The following LEAP2 variants were observed in gnomAD, a reference collection of about 807,000 sequenced individuals.
The protein encoded by LEAP2 is liver-expressed antimicrobial peptide 2.
A neutral mutation model predicts 9.3 loss-of-function variants in LEAP2; 13 were observed. That is an observed-to-expected ratio of 1.39 (90% CI 0.91 to 2.21). The LOEUF (loss-of-function observed/expected upper bound fraction) is 2.21. Among genes scored for constraint, LEAP2 ranks in the 30% most tolerant of loss-of-function variants. LEAP2 has a pLI of 0.00. For missense variants in LEAP2, 98 were observed against 94.0 expected, an observed-to-expected ratio of 1.04 and a Z score of -0.17; for synonymous variants, 34 against 34.9, an observed-to-expected ratio of 0.98 and a Z score of 0.09.
In LEAP2 at chr5:132,873,729, T is replaced by C; in HGVS notation, c.35T>C (p.Ile12Thr). 1.2e-6 allele frequency: 2 copies of C among 1,614,106 alleles called. No individual in the cohort carries two copies. The highest frequency in any genetic ancestry group is 1.7e-6 in the Non-Finnish European group (2 of 1,179,960). The change falls in exon 1 of 3, where the codon ATC becomes ACC. Residue 12 changes from isoleucine (I) to threonine (T), a missense_variant. By Grantham distance (89) the Ile-to-Thr change is moderately conservative. Transcript: ENST00000296877. ...CTCAAACTTTGTGCAGTCCTCATGA[T>C]CTTCCTGTTGCTGTTGGGCCAGGTA... ...WHLKLCAVLM[I>T]FLLLLGQIDG...
rs1273100087 is a variant in LEAP2, at chr5:132,873,990, G to A, written c.98G>A (p.Arg33Lys). 3.7e-6 allele frequency: 6 copies of A among 1,614,094 alleles called. No individual in the cohort carries two copies. The highest frequency in any genetic ancestry group is 5.1e-6 in the Non-Finnish European group (6 of 1,180,040). ...ATACCAGAAGTGAGTTCGGCAAAGA[G>A]AAGGCCACGGAGAATGACCCCATTT... Reference protein sequence around the residue: ...SPIPEVSSAKRRPRRMTPFWR... With the variant: ...SPIPEVSSAKKRPRRMTPFWR... The change falls in exon 2 of 3, where the codon AGA becomes AAA. Residue 33 changes from arginine (R) to lysine (K), a missense_variant. Arg to Lys is a conservative substitution (Grantham distance 26). Transcript: ENST00000296877.
chr5:132,874,210 C>A, intron 2 of LEAP2, 121 bp downstream of exon 2: 1 of 1,155,772 alleles, frequency 8.7e-7, no homozygotes, highest in Non-Finnish European at 1.2e-6. Context: ...TAGACTGAGA[C>A]TGGGAGCTCC....
Position 132,874,837 on chromosome 5 carries a change from G to A in LEAP2, c.*391G>A, listed in dbSNP as rs545315989. On this transcript the variant is annotated 3_prime_UTR_variant, in exon 3 of 3. Coordinates refer to ENST00000296877, the MANE Select transcript of LEAP2 (RefSeq NM_052971.3). ...TGAGAGCTACATAATCAATAGCTACGTAATCAACTTCAGCAAGTTCCTAAG... is the reference window on the plus strand; with the variant it reads ...TGAGAGCTACATAATCAATAGCTACATAATCAACTTCAGCAAGTTCCTAAG... 26 of 345,302 alleles carry A rather than the reference G, an allele frequency of 7.5e-5. No individual in the cohort carries two copies. The highest frequency in any genetic ancestry group is 5.5e-4 in the East Asian group (7 of 12,630). The allele number at this position is 345,302 out of a possible 1,614,324, so 21.4% of individuals were successfully genotyped here.
At chr5:132,873,842 G>A (rs1273426532) in intron 1 of LEAP2, 91 bp downstream of exon 1, 12 of 1,566,616 alleles carry the variant, frequency 7.7e-6, no homozygotes, top group Non-Finnish European at 9.7e-6. Context: ...CCTGAGGAAT[G>A]GTTCCTCTGT....
chr5:132,873,796 T>C (rs371716432), intron 1 of LEAP2, 45 bp downstream of exon 1: 8 of 1,590,754 alleles, frequency 5.0e-6, no homozygotes, highest in African/African-American at 4.0e-5. Context: ...AGTGTGGAGA[T>C]GATAGTGGTG....
Position 132,874,495 on chromosome 5 carries a change from CGT to C in LEAP2, c.*50_*51del, listed in dbSNP as rs758061364. On this transcript the variant is annotated 3_prime_UTR_variant, in exon 3 of 3. Coordinates refer to ENST00000296877, the MANE Select transcript of LEAP2 (RefSeq NM_052971.3). Reference sequence around the variant, plus strand: ...ACAGCAGTCACCTCCGACAATGCTCCGTTCTATGGAATATTGATTAACTGCAT... The same window carrying C: ...ACAGCAGTCACCTCCGACAATGCTCCTCTATGGAATATTGATTAACTGCAT... 3 of 1,516,496 alleles carry C rather than the reference CGT, an allele frequency of 2.0e-6. No homozygotes were observed. The highest frequency in any genetic ancestry group is 2.7e-6 in the Non-Finnish European group (3 of 1,091,422). 93.9% of individuals were successfully genotyped at this position (1,516,496 alleles called of 1,614,324 possible).
intron 1 of LEAP2, 49 bp downstream of exon 1, chr5:132,873,800 A>T: frequency 4.4e-6 from 7 of 1,587,382 alleles, no homozygotes; most frequent in Non-Finnish European, 6.1e-6. Context: ...TGGAGATGAT[A>T]GTGGTGGTGG....
Position 132,874,953 on chromosome 5 carries a change from C to T in LEAP2, c.*507C>T, listed in dbSNP as rs1178432306. 1 of 186,970 alleles carries T rather than the reference C, an allele frequency of 5.3e-6. No individual in the cohort carries two copies. The highest frequency in any genetic ancestry group is 6.0e-5 in the Admixed American group (1 of 16,578). 11.6% of individuals were successfully genotyped at this position (186,970 alleles called of 1,614,324 possible). A position where few individuals can be genotyped will look rare whatever the true frequency, so the allele number is the denominator to read the frequency against. The stretch of plus-strand genomic sequence containing the variant: ...GGCTGAGGCAGGAGAATCACTTGAA[C>T]CTGGGAGGTGGAGGTTGCAGTGAGC... On this transcript the variant is annotated 3_prime_UTR_variant, in exon 3 of 3. Transcript: ENST00000296877.
At chr5:132,874,212 G>A (rs2150056276) in intron 2 of LEAP2, 123 bp downstream of exon 2, 1 of 1,154,676 alleles carries the variant, frequency 8.7e-7, no homozygotes, top group Non-Finnish European at 1.2e-6. Context: ...GACTGAGACT[G>A]GGAGCTCCAT....
At chr5:132,874,143 C>G (rs1759783478) in intron 2 of LEAP2, 54 bp downstream of exon 2, 2 of 1,565,082 alleles carry the variant, frequency 1.3e-6, no homozygotes, top group East Asian at 4.5e-5. Context: ...GGAAGCTGGG[C>G]AGAGGAGTGA....
rs978006329 is a variant in LEAP2, at chr5:132,874,316, G to C, written c.198-94G>C. The C allele has an allele frequency of 8.5e-6, 10 of 1,174,828 alleles. No individual in the cohort carries two copies. In the African/African-American group the frequency reaches 1.4e-4, roughly 16 times the overall value. 72.8% of individuals were successfully genotyped at this position (1,174,828 alleles called of 1,614,324 possible). On this transcript the variant is annotated intron_variant, in intron 2 of 2. Coordinates refer to ENST00000296877, the MANE Select transcript of LEAP2 (RefSeq NM_052971.3). ...CCATTCTTCAGTCTTTCCTGAGACT[G>C]GACAGATCAAGCAAAGAGGAAGGAA...
rs1383358814 is a variant in LEAP2 at position 132,873,958 on chromosome 5, C to T, written c.66C>T (p.Gly22=). 1 of 1,613,928 alleles carries T rather than the reference C, an allele frequency of 6.2e-7. No individual in the cohort carries two copies. Among genetic ancestry groups the T allele is most frequent in the African/African-American group, 1.3e-5 (1 of 74,930 alleles). ...TGTCTTTGCCCTTACAGATAGATGG[C>T]TCCCCAATACCAGAAGTGAGTTCGG... The part of the protein sequence containing the change: ...IFLLLLGQID[G]SPIPEVSSAK... Residue 22 remains glycine, a synonymous_variant, in exon 2 of 3, where the codon GGC becomes GGT. Coordinates refer to ENST00000296877, the MANE Select transcript of LEAP2 (RefSeq NM_052971.3).
chr5:132,874,550 A>G lies in LEAP2; in HGVS notation c.*104A>G. 1 of 978,202 alleles carries G rather than the reference A, an allele frequency of 1.0e-6. No individual in the cohort carries two copies. The highest frequency in any genetic ancestry group is 1.6e-6 in the Non-Finnish European group (1 of 612,996). The allele number at this position is 978,202 out of a possible 1,614,324, so 60.6% of individuals were successfully genotyped here. A position where few individuals can be genotyped will look rare whatever the true frequency, so the allele number is the denominator to read the frequency against. On this transcript the variant is annotated 3_prime_UTR_variant, in exon 3 of 3. Transcript: ENST00000296877. ...TGGCTGGAGACACCCAAGTGAAGCAATCTTGTATTTTTAATATTTAAAGGC... is the reference window on the plus strand; with the variant it reads ...TGGCTGGAGACACCCAAGTGAAGCAGTCTTGTATTTTTAATATTTAAAGGC...
intron 2 of LEAP2, 136 bp from the exon 3 acceptor site, chr5:132,874,274 G>A (rs372038420): frequency 1.2e-5 from 12 of 977,284 alleles, no homozygotes; most frequent in Admixed American, 1.9e-5. Context: ...TGGGTACCAT[G>A]AAAGAGTGGT....
Position 132,874,105 on chromosome 5 carries a change from G to A in LEAP2, c.197+16G>A, listed in dbSNP as rs1759782786. ...GGCTATGCAGGTACTCCCTGAACCTGGGAGCAGGGTTGGGCCAGAGAGCCC... is the reference window on the plus strand; with the variant it reads ...GGCTATGCAGGTACTCCCTGAACCTAGGAGCAGGGTTGGGCCAGAGAGCCC... On this transcript the variant is annotated intron_variant, in intron 2 of 2. Transcript: ENST00000296877. The A allele has an allele frequency of 6.2e-7, 1 of 1,607,846 alleles. No homozygotes were observed. Among genetic ancestry groups the A allele is most frequent in the Non-Finnish European group, 8.5e-7 (1 of 1,175,868 alleles).
rs907108032 is a variant in LEAP2, at chr5:132,874,661, A to G, written c.*215A>G. On this transcript the variant is annotated 3_prime_UTR_variant, in exon 3 of 3. Coordinates refer to ENST00000296877, the MANE Select transcript of LEAP2 (RefSeq NM_052971.3). ...AACTAAACTTGTCAATTTAGAGTTT[A>G]TTTTTCTATGGATACTATTAAATGT... is the stretch of plus-strand genomic sequence containing the variant. 1 of 639,294 alleles carries G rather than the reference A, an allele frequency of 1.6e-6. No individual in the cohort carries two copies. Among genetic ancestry groups the G allele is most frequent in the Admixed American group, 2.4e-5 (1 of 41,220 alleles). The allele number at this position is 639,294 out of a possible 1,614,324, so 39.6% of individuals were successfully genotyped here.
intron 2 of LEAP2, 119 bp from the exon 3 acceptor site, chr5:132,874,291 C>G (rs1240520654): frequency 5.8e-6 from 6 of 1,042,542 alleles, no homozygotes; most frequent in Non-Finnish European, 4.4e-6. Flanking sequence ...TGGTGCCTTT[C>G]CATTCTTCAG....
intron 1 of LEAP2, 61 bp downstream of exon 1, chr5:132,873,812 ACTT>A: frequency 6.3e-7 from 1 of 1,582,474 alleles, no homozygotes; most frequent in East Asian, 2.2e-5. Flanking sequence ...TGGTGGTGGA[ACTT>A]GAAAGCTAGA....
At position 132,874,552 on chromosome 5, in the gene LEAP2, C is replaced by A. The variant is rs1237897982; in HGVS notation, c.*106C>A. 7.2e-6 allele frequency: 7 copies of A among 967,396 alleles called. No homozygotes were observed. Among genetic ancestry groups the A allele is most frequent in the Non-Finnish European group, 1.2e-5 (7 of 604,694 alleles). 59.9% of individuals were successfully genotyped at this position (967,396 alleles called of 1,614,324 possible). ...GCTGGAGACACCCAAGTGAAGCAAT[C>A]TTGTATTTTTAATATTTAAAGGCAG... On this transcript the variant is annotated 3_prime_UTR_variant, in exon 3 of 3. Transcript: ENST00000296877.
Sources: allele counts gnomAD v4.1 joint callset, GRCh38; gene constraint gnomAD v4.1.1; transcripts MANE v1.5; gene names NCBI Gene and HGNC (gene_info 2026-07-23, HGNC 2026-07-21).